POSTN: variants seen among roughly 807,000 people sequenced by gnomAD.
The protein encoded by POSTN is periostin, also known as osteoblast specific factor 2 (fasciclin I-like).
In POSTN, 71 loss-of-function variants were observed where a neutral mutation model predicts 104.5. The ratio of observed to expected loss-of-function variants is 0.68; its 90% confidence interval spans 0.56 to 0.83. The LOEUF (loss-of-function observed/expected upper bound fraction) is 0.83, where lower values mean the gene tolerates loss of function less well. POSTN is among the 40% of genes least tolerant of loss of function. The probability of loss-of-function intolerance (pLI) is 0.00; values close to 1 mark genes in which losing one functional copy is unlikely to be tolerated. For missense variants in POSTN, 949 were observed against 1,006.8 expected (o/e 0.94, Z 0.78); for synonymous variants, 355 against 340.7 (o/e 1.04, Z -0.46).
At chr13:37,579,483 C>T (rs1447315730) in intron 12 of POSTN, 124 bp from the exon 13 acceptor site, 1 of 827,842 alleles carries the variant, frequency 1.2e-6, no homozygotes, top group Non-Finnish European at 1.9e-6. Context: ...TCATTATTCT[C>T]TCAAGTAGAT....
chr13:37,574,592 T>G lies in POSTN; in HGVS notation c.2069A>C (p.Gln690Pro). ...PKIKVIEGSLQPIIKTEGPTL... is the reference protein window; with the variant it reads ...PKIKVIEGSLPPIIKTEGPTL... The stretch of plus-strand genomic sequence containing the variant: ...TTTACCTTCAGTTTTGATAATAGGC[T>G]GAAGACTGCCTTCAATCACTTTAAT... The change falls in exon 17 of 23, where the codon CAG becomes CCG. Residue 690 changes from glutamine to proline, a missense_variant. By Grantham distance (76) the Gln-to-Pro change is moderately conservative. Coordinates refer to ENST00000379747, the MANE Select transcript of POSTN (RefSeq NM_006475.3). 6.3e-7 allele frequency: 1 copy of G among 1,596,786 alleles called. No homozygotes were observed. The highest frequency in any genetic ancestry group is 2.3e-5 in the East Asian group (1 of 44,196).
chr13:37,573,840 GT>G (rs1471247442), intron 17 of POSTN, among the ~76,000 whole-genome samples: 1 of 151,576 alleles, frequency 6.6e-6, no homozygotes, highest in African/African-American at 2.4e-5. Context: ...CATCAAAGAT[GT>G]TGAAGTTGGC....
chr13:37,598,608 C>A lies in POSTN; in HGVS notation c.119G>T (p.Gly40Val). 6.2e-7 allele frequency: 1 copy of A among 1,609,624 alleles called. No individual in the cohort carries two copies. Among genetic ancestry groups the A allele is most frequent in the Non-Finnish European group, 8.5e-7 (1 of 1,176,986 alleles). ...TTATAAAACCAAACCACTCACTTAC[C>A]CTTGGTCCCGACCCCTGATACGACT... ...AHSRIRGRDQ[G>V]PNVCALQQIL... is the part of the protein sequence containing the mutation. The change falls in exon 1 of 23, where the codon GGC (glycine) becomes GTC (valine). Residue 40 changes from glycine (G) to valine (V), a missense_variant and splice_region_variant. Transcript: ENST00000379747.
intron 15 of POSTN, among the ~76,000 whole-genome samples, 153 bp downstream of exon 15, chr13:37,578,691 C>T (rs1479105606): frequency 4.0e-5 from 6 of 148,494 alleles, no homozygotes; most frequent in Non-Finnish European, 7.4e-5. Context: ...CCCAGCTACT[C>T]GGGAGGCTGA....
At chr13:37,577,665 T>C in intron 16 of POSTN, 88 bp downstream of exon 16, 1 of 1,509,052 alleles carries the variant, frequency 6.6e-7, no homozygotes, top group South Asian at 1.4e-5. Flanking sequence ...TACCAGATTA[T>C]CAATAATCTC....
At chr13:37,564,181 C>CTTGTATATACAAAACATTACATATAT (rs1397805323) in intron 22 of POSTN, among the ~76,000 whole-genome samples, 29 of 49,798 alleles carry the variant, frequency 5.8e-4, no homozygotes, top group East Asian at 1.8e-3. Context: ...CAAAACATTA[C>CTTGTATATACAAAACATTACATATAT]ATATATATAT....
At chr13:37,591,173 C>T (rs1352595422) in intron 3 of POSTN, among the ~76,000 whole-genome samples, 1 of 151,868 alleles carries the variant, frequency 6.6e-6, no homozygotes, top group African/African-American at 2.4e-5. Context: ...TTTTAAAAGA[C>T]CCTAAAAAGA....
At chr13:37,590,220 T>C in intron 4 of POSTN, 152 bp downstream of exon 4, 1 of 522,782 alleles carries the variant, frequency 1.9e-6, no homozygotes, top group Non-Finnish European at 3.2e-6. Context: ...TAAGATATTT[T>C]ACTTCCCTTA....
chr13:37,579,610 C>T (rs1287563893), intron 12 of POSTN, among the ~76,000 whole-genome samples: 1 of 152,054 alleles, frequency 6.6e-6, no homozygotes, highest in African/African-American at 2.4e-5. Context: ...TTCTTTGTCC[C>T]CTGATTACAT....
At chr13:37,573,367 T>C (rs61957483) in intron 17 of POSTN, among the ~76,000 whole-genome samples, 30,084 of 151,078 alleles carry the variant, frequency 0.2, 3,666 homozygotes, top group Non-Finnish European at 0.27. Flanking sequence ...TTCATCACTA[T>C]AGAAAGTCGA....
At chr13:37,564,592 TC>T in intron 21 of POSTN, 32 bp from the exon 22 acceptor site, 1 of 1,395,854 alleles carries the variant, frequency 7.2e-7, no homozygotes, top group Non-Finnish European at 1.0e-6. Context: ...TAGAAATACT[TC>T]GCAATTATGG....
chr13:37,564,512 C>A lies in POSTN; in HGVS notation c.2473+7G>T. 1 of 1,565,418 alleles carries A rather than the reference C, an allele frequency of 6.4e-7. No individual in the cohort carries two copies. The highest frequency in any genetic ancestry group is 8.8e-7 in the Non-Finnish European group (1 of 1,138,126). On this transcript the variant is annotated splice_region_variant and intron_variant, in intron 22 of 22. Coordinates refer to ENST00000379747, the MANE Select transcript of POSTN (RefSeq NM_006475.3). ...TATACACACATTACTATAGCCAATA[C>A]ACTTACCTTGAACTTTTTTGTTGGC...
chr13:37,585,092 C>T (rs1466815985), intron 7 of POSTN, among the ~76,000 whole-genome samples, 164 bp from the exon 8 acceptor site: 1 of 152,156 alleles, frequency 6.6e-6, no homozygotes, highest in East Asian at 1.9e-4. Context: ...AAGTTTTTTC[C>T]TATCAACTAT....
chr13:37,583,275 C>T (rs1422047119), intron 9 of POSTN, among the ~76,000 whole-genome samples: 1 of 151,958 alleles, frequency 6.6e-6, no homozygotes, highest in Non-Finnish European at 1.5e-5. Context: ...GACACCCTTA[C>T]TGTCCAAATT....
intron 17 of POSTN, among the ~76,000 whole-genome samples, chr13:37,572,153 G>T (rs1305448315): frequency 2.0e-5 from 3 of 151,594 alleles, no homozygotes; most frequent in Non-Finnish European, 4.4e-5. Context: ...AGGTTAGAAA[G>T]CTGCTTACTA....
intron 16 of POSTN, among the ~76,000 whole-genome samples, chr13:37,575,593 G>A (rs1314601738): frequency 1.3e-5 from 2 of 152,122 alleles, no homozygotes; most frequent in East Asian, 1.9e-4. Flanking sequence ...CTAATGAAAA[G>A]CCTTGAAAGA....
intron 7 of POSTN, 130 bp downstream of exon 7, chr13:37,586,009 T>G: frequency 1.3e-6 from 1 of 754,280 alleles, no homozygotes; most frequent in Non-Finnish European, 2.1e-6. Flanking sequence ...GAAGACATAG[T>G]ACATCTCAGA....
In POSTN at chr13:37,566,339, T is replaced by C. The variant is rs552751382; in HGVS notation, c.2432-1779A>G. 2.6e-5 allele frequency among the ~76,000 whole-genome samples: 4 copies of C among 152,306 alleles called. No homozygotes were observed. In the East Asian group the frequency reaches 7.7e-4, roughly 29 times the overall value. ...CAATTATTTTGACATTTTATTTGCA[T>C]GTTTGTTTTTTGTATGTTTCCATGG... On this transcript the variant is annotated intron_variant, in intron 21 of 22. Coordinates refer to ENST00000379747, the MANE Select transcript of POSTN (RefSeq NM_006475.3).
At chr13:37,597,896 G>A (rs541074759) in intron 1 of POSTN, among the ~76,000 whole-genome samples, 1 of 152,160 alleles carries the variant, frequency 6.6e-6, no homozygotes, top group Non-Finnish European at 1.5e-5. Flanking sequence ...CCTCTTAAAG[G>A]GACAGAAGTC....
Sources: allele counts gnomAD v4.1 joint callset (sites outside exome capture counted in the v4.1 genomes callset), GRCh38; gene constraint gnomAD v4.1.1; transcripts MANE v1.5; gene names NCBI Gene and HGNC (gene_info 2026-07-23, HGNC 2026-07-21).